NLK: variants seen among roughly 807,000 people sequenced by gnomAD.
NLK encodes nemo like kinase, also known as serine/threonine-protein kinase NLK.
In NLK, 11 loss-of-function variants were observed where a neutral mutation model predicts 59.0. The ratio of observed to expected loss-of-function variants is 0.19; its 90% confidence interval spans 0.12 to 0.31. The LOEUF is 0.31. Ranked by LOEUF, NLK falls within the 10% of genes least tolerant of loss-of-function variation. NLK has a pLI of 1.00. For synonymous variants in NLK, 235 were observed against 235.9 expected, an observed-to-expected ratio of 1.00 and a Z score of 0.03; for missense variants, 410 against 661.1, an observed-to-expected ratio of 0.62 and a Z score of 4.16.
intron 6 of NLK, 111 bp from the exon 7 acceptor site, chr17:28,172,406 C>A: frequency 2.0e-6 from 1 of 506,126 alleles, no homozygotes; most frequent in Non-Finnish European, 3.2e-6. Context: ...TAGAGCTTGT[C>A]TTAAGGTTTT....
chr17:28,094,248 A>C (rs1904615436), intron 1 of NLK, among the ~76,000 whole-genome samples: 1 of 152,208 alleles, frequency 6.6e-6, no homozygotes, highest in African/African-American at 2.4e-5. Flanking sequence ...TTCTGAGCAA[A>C]AACAACCCCC....
rs201944552 is a variant in NLK at position 28,043,122 on chromosome 17, C to T, written c.249C>T (p.Ala83=). The T allele has an allele frequency of 3.1e-6, 5 of 1,604,216 alleles. No individual in the cohort carries two copies. In the Admixed American group the frequency reaches 7.0e-5, roughly 22 times the overall value. ...CCGCAGCAGCGGCTGCAGCTGCAGC[C>T]ATGTTAAACCCTGGGCAACAACAGC... ...AAAAAAAAAA[A]MLNPGQQQPY... is the part of the protein sequence containing the mutation. The change falls in exon 1 of 11, where the codon GCC becomes GCT. Residue 83 remains alanine (A), a synonymous_variant. Transcript: ENST00000407008.
intron 8 of NLK, among the ~76,000 whole-genome samples, chr17:28,189,296 C>T (rs1358199847): frequency 1.3e-5 from 2 of 152,174 alleles, no homozygotes; most frequent in African/African-American, 4.8e-5. Flanking sequence ...CTGCCAAGAC[C>T]TATAGGCATT....
chr17:28,107,825 T>C (rs1276165090), intron 1 of NLK, among the ~76,000 whole-genome samples: 2 of 152,310 alleles, frequency 1.3e-5, no homozygotes, highest in African/African-American at 2.4e-5. Flanking sequence ...CAAAGAGACA[T>C]ATATCAGTAG....
At chr17:28,154,229 A>T (rs1761295663) in intron 3 of NLK, among the ~76,000 whole-genome samples, 1 of 152,190 alleles carries the variant, frequency 6.6e-6, no homozygotes, top group South Asian at 2.1e-4. Context: ...GTATCTCAGA[A>T]AGTGGGGATA....
chr17:28,185,327 C>G (rs1174684883), intron 8 of NLK, 62 bp downstream of exon 8: 14 of 1,088,934 alleles, frequency 1.3e-5, no homozygotes, highest in African/African-American at 1.6e-5. Flanking sequence ...TCGAGAGAAA[C>G]ATTGTGGTTT....
At chr17:28,078,318 A>G (rs1910235694) in intron 1 of NLK, among the ~76,000 whole-genome samples, 1 of 152,204 alleles carries the variant, frequency 6.6e-6, no homozygotes, top group African/African-American at 2.4e-5. Flanking sequence ...TCTTTTGATT[A>G]TATGATAAAT....
chr17:28,085,123 A>G (rs936150147), intron 1 of NLK, among the ~76,000 whole-genome samples: 11 of 152,188 alleles, frequency 7.2e-5, no homozygotes, highest in African/African-American at 2.7e-4. Context: ...CAGATGGAAC[A>G]GTCTATCTTT....
rs1904461624 is a variant in NLK, at chr17:28,090,707, A to G, written c.459-31896A>G. Among the ~76,000 whole-genome samples, 4 of 152,204 alleles carry G rather than the reference A, an allele frequency of 2.6e-5. No individual in the cohort carries two copies. The South Asian group carries it at 6.2e-4, about 24-fold the overall frequency. On this transcript the variant is annotated intron_variant, in intron 1 of 10. Transcript: ENST00000407008. ...AAAACATAGCGGGAGCTTGTTAAAA[A>G]ATAATAATAATAATGAAAGTTATTT... is the stretch of plus-strand genomic sequence containing the variant.
At chr17:28,119,605 T>C (rs981454612) in intron 1 of NLK, among the ~76,000 whole-genome samples, 4 of 152,190 alleles carry the variant, frequency 2.6e-5, no homozygotes, top group African/African-American at 9.6e-5. Flanking sequence ...CTGTTAAAGA[T>C]ATTAAAATTA....
chr17:28,106,353 C>T, intron 1 of NLK, among the ~76,000 whole-genome samples: 1 of 152,088 alleles, frequency 6.6e-6, no homozygotes, highest in Middle Eastern at 3.4e-3. Context: ...CATAAAATAG[C>T]CTAGAACTTC....
At chr17:28,056,066 A>C (rs931073495) in intron 1 of NLK, among the ~76,000 whole-genome samples, 1 of 152,250 alleles carries the variant, frequency 6.6e-6, no homozygotes, top group Non-Finnish European at 1.5e-5. Context: ...TACAACTCAG[A>C]GATAACCACT....
At chr17:28,116,625 CATTAAG>C (rs1263380441) in intron 1 of NLK, among the ~76,000 whole-genome samples, 4 of 152,144 alleles carry the variant, frequency 2.6e-5, no homozygotes, top group African/African-American at 9.7e-5. Flanking sequence ...TTTCTAAATT[CATTAAG>C]ATTTTTGACG....
chr17:28,176,258 G>T (rs1597723500), intron 7 of NLK, among the ~76,000 whole-genome samples: 2 of 152,156 alleles, frequency 1.3e-5, no homozygotes, highest in East Asian at 1.9e-4. Context: ...AGGAATATTA[G>T]ATTGATGGTG....
intron 3 of NLK, among the ~76,000 whole-genome samples, chr17:28,147,628 A>T (rs1278515474): frequency 6.6e-6 from 1 of 152,172 alleles, no homozygotes; most frequent in East Asian, 1.9e-4. Context: ...AGAAAATTGT[A>T]CAGGCCTATT....
At chr17:28,143,385 A>G (rs1364353297) in intron 3 of NLK, among the ~76,000 whole-genome samples, 1 of 152,184 alleles carries the variant, frequency 6.6e-6, no homozygotes. Flanking sequence ...CCTTTGACCA[A>G]TATGGGACCT....
At chr17:28,055,045 A>T (rs1250681026) in intron 1 of NLK, among the ~76,000 whole-genome samples, 1 of 151,404 alleles carries the variant, frequency 6.6e-6, no homozygotes, top group Non-Finnish European at 1.5e-5. Flanking sequence ...TACAGCGGAG[A>T]TAGTAATAGT....
chr17:28,044,855 C>CT (rs986024823), intron 1 of NLK, among the ~76,000 whole-genome samples: 2 of 152,108 alleles, frequency 1.3e-5, no homozygotes, highest in African/African-American at 2.4e-5. Context: ...TGCTTACTTT[C>CT]TTTTTTAGTG....
At chr17:28,162,672 C>T (rs1275348476) in intron 4 of NLK, among the ~76,000 whole-genome samples, 1 of 152,050 alleles carries the variant, frequency 6.6e-6, no homozygotes, top group South Asian at 2.1e-4. Flanking sequence ...AAGATTTGTT[C>T]ATATTCTATG....
Sources: gnomAD v4.1 joint callset for allele counts (sites outside exome capture counted in the v4.1 genomes callset) on GRCh38, gnomAD v4.1.1 for gene constraint, MANE v1.5 for transcripts, NCBI Gene and HGNC (gene_info 2026-07-23, HGNC 2026-07-21) for gene names.